PC: variants seen among roughly 807,000 people sequenced by gnomAD.
PC encodes the protein pyruvate carboxylase, mitochondrial.
In PC, 46 loss-of-function variants were observed where a neutral mutation model predicts 107.8. That is an observed-to-expected ratio of 0.43 (90% CI 0.34 to 0.55). The LOEUF (loss-of-function observed/expected upper bound fraction) is 0.55, where lower values mean the gene tolerates loss of function less well. Ranked by LOEUF, PC falls within the 20% of genes least tolerant of loss-of-function variation. The pLI is 0.04. For missense variants in PC, 1,241 were observed against 1,643.1 expected, an observed-to-expected ratio of 0.76 and a Z score of 4.23; for synonymous variants, 662 against 684.7, an observed-to-expected ratio of 0.97 and a Z score of 0.52.
At chr11:66,915,211 C>T (rs888523543) in intron 3 of PC, among the ~76,000 whole-genome samples, 6 of 152,130 alleles carry the variant, frequency 3.9e-5, no homozygotes, top group Non-Finnish European at 8.8e-5. Context: ...ACAGAGAGCA[C>T]GGTGGAGTCT....
At chr11:66,937,211 T>C (rs1949021461) in intron 3 of PC, among the ~76,000 whole-genome samples, 1 of 152,150 alleles carries the variant, frequency 6.6e-6, no homozygotes, top group African/African-American at 2.4e-5. Flanking sequence ...ATTGAAAAAC[T>C]GTCCCTGAAG....
Position 66,866,336 on chromosome 11 carries a change from G to T in PC, c.1036C>A (p.His346Asn). 6.2e-7 allele frequency: 1 copy of T among 1,612,696 alleles called. No homozygotes were observed. The highest frequency in any genetic ancestry group is 8.5e-7 in the Non-Finnish European group (1 of 1,179,648). ...CCCTCAGCCACGTGGATCTGAGCATGGACCAGGTCTACGCTGTAGGGCATT... is the reference window on the plus strand; with the variant it reads ...CCCTCAGCCACGTGGATCTGAGCATTGACCAGGTCTACGCTGTAGGGCATT... ...TEEITDVDLV[H>N]AQIHVAEGRS... Residue 346 changes from histidine to asparagine, a missense_variant, in exon 11 of 23, where the codon CAT becomes AAT. By Grantham distance (68) the His-to-Asn change is moderately conservative. Coordinates refer to ENST00000393960, the MANE Select transcript of PC (RefSeq NM_001040716.2). The surrounding 1 kb of genome is among the most constrained non-coding windows in gnomAD (Gnocchi z 5.4).
In PC at chr11:66,857,346, G is replaced by A. The variant is rs1413701120; in HGVS notation, c.1369-3963C>T. ...CGGGGGCCGGCCAGGGAGGGGCCAC[G>A]GACTCCACGGGAGGTTCGGGGGGCG... On this transcript the variant is annotated intron_variant, in intron 12 of 22. Coordinates refer to ENST00000393960, the MANE Select transcript of PC (RefSeq NM_001040716.2). This position sits in a 1 kb window ranked among gnomAD's most constrained non-coding sequence, Gnocchi z 7.1. 6.2e-6 allele frequency: 1 copy of A among 161,582 alleles called. No homozygotes were observed. Among genetic ancestry groups the A allele is most frequent in the Non-Finnish European group, 1.3e-5 (1 of 74,814 alleles). 10.0% of individuals were successfully genotyped at this position (161,582 alleles called of 1,614,324 possible).
chr11:66,886,935 A>AGG (rs1210503854), intron 3 of PC, among the ~76,000 whole-genome samples: 1 of 152,174 alleles, frequency 6.6e-6, no homozygotes, highest in Non-Finnish European at 1.5e-5. Flanking sequence ...TTCAGAACCT[A>AGG]GGGTCCTGCC....
At chr11:66,926,592 C>A (rs1395033960) in intron 3 of PC, among the ~76,000 whole-genome samples, 1 of 152,190 alleles carries the variant, frequency 6.6e-6, no homozygotes, top group Non-Finnish European at 1.5e-5. Flanking sequence ...TGCACATATT[C>A]TGGTTACCAG....
chr11:66,897,833 C>T (rs1947811909), intron 3 of PC, among the ~76,000 whole-genome samples: 1 of 152,202 alleles, frequency 6.6e-6, no homozygotes, highest in Non-Finnish European at 1.5e-5. Context: ...AGATAACTTG[C>T]TCCAGGAGCA....
At chr11:66,952,838 C>G (rs1000310826) in intron 2 of PC, among the ~76,000 whole-genome samples, 4 of 152,180 alleles carry the variant, frequency 2.6e-5, no homozygotes, top group East Asian at 3.9e-4. Context: ...CCACCGCACC[C>G]GGCCAAGAAC....
intron 3 of PC, among the ~76,000 whole-genome samples, chr11:66,892,423 G>C (rs926863684): frequency 1.3e-5 from 2 of 152,196 alleles, no homozygotes; most frequent in African/African-American, 4.8e-5. Flanking sequence ...AAAGGGCAAA[G>C]CAACAGTCCA....
chr11:66,898,899 C>T (rs926291454), intron 3 of PC, among the ~76,000 whole-genome samples: 4 of 152,048 alleles, frequency 2.6e-5, no homozygotes, highest in African/African-American at 4.8e-5. Context: ...GATGGAGTTT[C>T]GCTCTTGTTG....
chr11:66,895,475 A>T (rs1167850148), intron 3 of PC, among the ~76,000 whole-genome samples: 2 of 152,250 alleles, frequency 1.3e-5, no homozygotes, highest in Non-Finnish European at 2.9e-5. Flanking sequence ...CCAACTATGC[A>T]GGGAGAAGAA....
intron 3 of PC, among the ~76,000 whole-genome samples, chr11:66,936,132 C>T (rs530680280): frequency 6.6e-6 from 1 of 150,524 alleles, no homozygotes; most frequent in South Asian, 2.1e-4. Flanking sequence ...CCTGTAGTCT[C>T]AGCTACTTGG....
intron 3 of PC, among the ~76,000 whole-genome samples, chr11:66,885,762 G>A (rs765399426): frequency 7.2e-5 from 11 of 152,280 alleles, no homozygotes; most frequent in Non-Finnish European, 1.2e-4. Flanking sequence ...CCATCCGAGA[G>A]AGCACGGCCC....
Position 66,952,480 on chromosome 11 carries a change from G to GA in PC, c.-39-13dup, listed in dbSNP as rs1195845524. On this transcript the variant is annotated splice_polypyrimidine_tract_variant and intron_variant, in intron 2 of 22. Transcript: ENST00000393960. ...AAGGCAGACACTATCTAAAGCAAAA[G>GA]AAAAAACAGCATTACCCTCATTGCT... The GA allele has an allele frequency of 1.3e-5, 2 of 152,092 alleles. No individual in the cohort carries two copies. The highest frequency in any genetic ancestry group is 2.9e-5 in the Non-Finnish European group (2 of 68,032). The allele number at this position is 152,092 out of a possible 1,614,324, so 9.4% of individuals were successfully genotyped here.
chr11:66,851,885 C>G lies in PC; in HGVS notation c.1887G>C (p.Glu629Asp). The change falls in exon 16 of 23, where the codon GAG becomes GAC. Residue 629 changes from glutamate to aspartate, a missense_variant. Physicochemically the swap from Glu to Asp is conservative, Grantham distance 45 (BLOSUM62 2). This residue lies in a region of PC where 1,143 missense variants were observed against 1,551.9 expected (regional missense o/e 0.74). Transcript: ENST00000393960. ...LYECPWRRLQ[E>D]LRELIPNIPF... ...GGATGTTGGGGATGAGCTCCCGGAG[C>G]TCCTGCAGCCGCCGCCAGGGGCACT... 2 of 1,614,042 alleles carry G rather than the reference C, an allele frequency of 1.2e-6. No homozygotes were observed. Among genetic ancestry groups the G allele is most frequent in the Non-Finnish European group, 1.7e-6 (2 of 1,179,982 alleles).
chr11:66,886,172 G>A (rs1164818945), intron 3 of PC, among the ~76,000 whole-genome samples: 1 of 151,716 alleles, frequency 6.6e-6, no homozygotes, highest in Non-Finnish European at 1.5e-5. Context: ...GGTGGGAGGA[G>A]GAAGGGACGT....
chr11:66,863,701 G>C (rs903706575), intron 12 of PC, 73 bp downstream of exon 12: 96 of 1,483,444 alleles, frequency 6.5e-5, no homozygotes, highest in Non-Finnish European at 8.6e-5. Flanking sequence ...CAAGGCCCTT[G>C]GTGGGGAAGT....
At chr11:66,939,152 C>A (rs935176461) in intron 3 of PC, among the ~76,000 whole-genome samples, 1 of 151,480 alleles carries the variant, frequency 6.6e-6, no homozygotes, top group Non-Finnish European at 1.5e-5. Flanking sequence ...AACTGGGGAT[C>A]AAAAATATTC....
chr11:66,871,593 A>G lies in PC; in HGVS notation c.321+94T>C. ...TGCATCCGTTTACCCACCCACGCAC[A>G]GAGGCGCTGAGCACGCCAGCCTCAA... On this transcript the variant is annotated intron_variant, in intron 5 of 22. Transcript: ENST00000393960. The surrounding 1 kb of genome is among the most constrained non-coding windows in gnomAD (Gnocchi z 7.4). 1.3e-6 allele frequency: 2 copies of G among 1,576,132 alleles called. No individual in the cohort carries two copies. The highest frequency in any genetic ancestry group is 8.7e-7 in the Non-Finnish European group (1 of 1,151,816).
chr11:66,924,797 A>G (rs575473372), intron 3 of PC, among the ~76,000 whole-genome samples: 3 of 152,300 alleles, frequency 2.0e-5, no homozygotes, highest in Non-Finnish European at 2.9e-5. Flanking sequence ...CAAGACAGAC[A>G]TGATCTTTGG....
Sources: allele counts gnomAD v4.1 joint callset (sites outside exome capture counted in the v4.1 genomes callset), GRCh38; gene constraint gnomAD v4.1.1; regional missense constraint gnomAD v4.1.1; non-coding constraint Gnocchi (gnomAD v3.1); transcripts MANE v1.5; gene names NCBI Gene and HGNC (gene_info 2026-07-23, HGNC 2026-07-21).